The following STOM variants were observed in gnomAD, a reference collection of about 807,000 sequenced individuals.
STOM encodes the protein stomatin, also known as erythrocyte band 7 integral membrane protein.
A neutral mutation model predicts 30.6 loss-of-function variants in STOM; 25 were observed. The ratio of observed to expected loss-of-function variants is 0.82; its 90% confidence interval spans 0.60 to 1.14. The LOEUF (loss-of-function observed/expected upper bound fraction) is 1.14, where lower values mean the gene tolerates loss of function less well. Among genes scored for constraint, STOM ranks in the 50% most tolerant of loss-of-function variants. The pLI is 0.00. For synonymous variants in STOM, 118 were observed against 130.8 expected (o/e 0.90, Z 0.67); for missense variants, 292 against 365.2 (o/e 0.80, Z 1.63).
At chr9:121,368,137 G>T (rs190191744) in intron 1 of STOM, among the ~76,000 whole-genome samples, 235 of 151,990 alleles carry the variant, frequency 1.5e-3, no homozygotes, top group African/African-American at 5.4e-3. Context: ...AAATTTGTTA[G>T]GTTTACATTA....
In STOM at chr9:121,340,896, C is replaced by T. The variant is rs557984349; in HGVS notation, c.*306G>A. 27 of 1,189,806 alleles carry T rather than the reference C, an allele frequency of 2.3e-5. No individual in the cohort carries two copies. In the South Asian group the frequency reaches 5.1e-4, roughly 22 times the overall value. 73.7% of individuals were successfully genotyped at this position (1,189,806 alleles called of 1,614,324 possible). A position where few individuals can be genotyped will look rare whatever the true frequency, so the allele number is the denominator to read the frequency against. ...TTACAGCCCAGGTTCTTGCCTCTGG[C>T]CTGGGTGCTTAGGGGGTTCAGAATG... is the stretch of plus-strand genomic sequence containing the variant. On this transcript the variant is annotated 3_prime_UTR_variant, in exon 7 of 7. Transcript: ENST00000286713.
At position 121,339,506 on chromosome 9, in the gene STOM, G is replaced by C; in HGVS notation, c.*1696C>G. ...CTTCCTAAAATAAGCTTGAAATTGG[G>C]GTACAGGGGAAGGGACATCCATTGG... is the stretch of plus-strand genomic sequence containing the variant. On this transcript the variant is annotated 3_prime_UTR_variant, in exon 7 of 7. Coordinates refer to ENST00000286713, the MANE Select transcript of STOM (RefSeq NM_004099.6). 8.2e-7 allele frequency: 1 copy of C among 1,221,958 alleles called. No individual in the cohort carries two copies. Among genetic ancestry groups the C allele is most frequent in the Non-Finnish European group, 1.0e-6 (1 of 980,780 alleles). The allele number at this position is 1,221,958 out of a possible 1,614,324, so 75.7% of individuals were successfully genotyped here. A position where few individuals can be genotyped will look rare whatever the true frequency, so the allele number is the denominator to read the frequency against.
rs914984439 is a variant in STOM at position 121,366,096 on chromosome 9, A to G, written c.61+4031T>C. 25 of 984,186 alleles carry G rather than the reference A, an allele frequency of 2.5e-5. No homozygotes were observed. In the African/African-American group the frequency reaches 4.4e-4, roughly 17 times the overall value. The allele number at this position is 984,186 out of a possible 1,614,324, so 61.0% of individuals were successfully genotyped here. On this transcript the variant is annotated intron_variant, in intron 1 of 6. Transcript: ENST00000286713. ...TAATTATAAATTCCACTCTCATTTC[A>G]CTATATTCTACTACCTTACCATAGT...
At chr9:121,355,024 C>T (rs1033427922) in intron 2 of STOM, among the ~76,000 whole-genome samples, 1 of 151,898 alleles carries the variant, frequency 6.6e-6, no homozygotes, top group Non-Finnish European at 1.5e-5. Context: ...TTTTGGAAGG[C>T]CGAGGTGGGC....
At chr9:121,360,142 C>T (rs879823719) in intron 1 of STOM, among the ~76,000 whole-genome samples, 1 of 152,154 alleles carries the variant, frequency 6.6e-6, no homozygotes, top group Non-Finnish European at 1.5e-5. Context: ...CAATGTCTAG[C>T]ACAGTATCCT....
intron 1 of STOM, among the ~76,000 whole-genome samples, chr9:121,356,980 C>CAAAAG (rs370722634): frequency 6.6e-5 from 10 of 151,216 alleles, no homozygotes; most frequent in South Asian, 2.1e-4. Flanking sequence ...AAGAATCTGT[C>CAAAAG]AAAAGAAAAG....
At position 121,339,410 on chromosome 9, in the gene STOM, T is replaced by C; in HGVS notation, c.*1792A>G. 1 of 607,852 alleles carries C rather than the reference T, an allele frequency of 1.6e-6. No homozygotes were observed. Among genetic ancestry groups the C allele is most frequent in the Non-Finnish European group, 2.3e-6 (1 of 426,522 alleles). 37.7% of individuals were successfully genotyped at this position (607,852 alleles called of 1,614,324 possible). ...TAAAATTCAAAATGTAAGTGCAACT[T>C]GAGTTTAAGTTGCACTGCTCCATAC... On this transcript the variant is annotated 3_prime_UTR_variant, in exon 7 of 7. Transcript: ENST00000286713.
chr9:121,364,308 T>C (rs1435043756), intron 1 of STOM, among the ~76,000 whole-genome samples: 1 of 152,164 alleles, frequency 6.6e-6, no homozygotes, highest in Non-Finnish European at 1.5e-5. Context: ...CCTTTCAAAT[T>C]AGTATTTTAA....
rs2064228565 is a variant in STOM at position 121,339,616 on chromosome 9, T to G, written c.*1586A>C. The G allele has an allele frequency of 1.6e-6, 2 of 1,231,510 alleles. No individual in the cohort carries two copies. Among genetic ancestry groups the G allele is most frequent in the Non-Finnish European group, 2.0e-6 (2 of 987,934 alleles). 76.3% of individuals were successfully genotyped at this position (1,231,510 alleles called of 1,614,324 possible). Reference sequence around the variant, plus strand: ...GCTGTTATGCTTAGACTTCTCTAGGTGAACTCAGAGTCTCAAAGAGGAAAT... The same window carrying G: ...GCTGTTATGCTTAGACTTCTCTAGGGGAACTCAGAGTCTCAAAGAGGAAAT... On this transcript the variant is annotated 3_prime_UTR_variant, in exon 7 of 7. Coordinates refer to ENST00000286713, the MANE Select transcript of STOM (RefSeq NM_004099.6).
chr9:121,350,476 G>A (rs2064329805), intron 4 of STOM, among the ~76,000 whole-genome samples: 1 of 152,208 alleles, frequency 6.6e-6, no homozygotes, highest in Non-Finnish European at 1.5e-5. Flanking sequence ...CTGGCAGAGT[G>A]CTTGAAACAT....
rs766921201 is a variant in STOM at position 121,354,720 on chromosome 9, T to C, written c.166-47A>G. ...TAATTTAACATGAAGAGTACAAATATATACATGCATGGCTTCTTAAATATA... is the reference window on the plus strand; with the variant it reads ...TAATTTAACATGAAGAGTACAAATACATACATGCATGGCTTCTTAAATATA... On this transcript the variant is annotated intron_variant, in intron 2 of 6. Transcript: ENST00000286713. The C allele has an allele frequency of 2.9e-6, 4 of 1,386,342 alleles. No homozygotes were observed. The African/African-American group carries it at 4.4e-5, about 15-fold the overall frequency. The allele number at this position is 1,386,342 out of a possible 1,614,324, so 85.9% of individuals were successfully genotyped here.
intron 2 of STOM, 146 bp from the exon 3 acceptor site, chr9:121,354,819 C>T: frequency 3.6e-6 from 2 of 558,314 alleles, no homozygotes; most frequent in Non-Finnish European, 6.2e-6. Flanking sequence ...AATCACATGT[C>T]CAATGTTTAC....
intron 1 of STOM, among the ~76,000 whole-genome samples, chr9:121,359,835 A>G (rs773064691): frequency 4.6e-5 from 7 of 152,322 alleles, no homozygotes; most frequent in Non-Finnish European, 8.8e-5. Flanking sequence ...TCAAGACAGT[A>G]TCCAAACTGA....
At chr9:121,346,326 G>A (rs1469346874) in intron 6 of STOM, among the ~76,000 whole-genome samples, 1 of 152,162 alleles carries the variant, frequency 6.6e-6, no homozygotes, top group Non-Finnish European at 1.5e-5. Flanking sequence ...CTAAGCAGTT[G>A]AGGGTTGTTA....
chr9:121,366,823 G>A (rs1474908584), intron 1 of STOM, among the ~76,000 whole-genome samples: 1 of 152,026 alleles, frequency 6.6e-6, no homozygotes, highest in Non-Finnish European at 1.5e-5. Context: ...AGGCTTGGTA[G>A]CTCATGCCTG....
At chr9:121,341,490 C>T in intron 6 of STOM, 82 bp from the exon 7 acceptor site, 2 of 1,571,918 alleles carry the variant, frequency 1.3e-6, no homozygotes, top group Non-Finnish European at 1.7e-6. Context: ...GGTATGTATA[C>T]CTCAGGTGGT....
intron 1 of STOM, among the ~76,000 whole-genome samples, chr9:121,369,179 A>T (rs1211742289): frequency 6.6e-6 from 1 of 152,246 alleles, no homozygotes; most frequent in Non-Finnish European, 1.5e-5. Context: ...GATGCTGTGG[A>T]TAAAGCTGGC....
In STOM at chr9:121,340,907, AG is replaced by A; in HGVS notation, c.*294del. On this transcript the variant is annotated 3_prime_UTR_variant, in exon 7 of 7. Transcript: ENST00000286713. ...GTTCTTGCCTCTGGCCTGGGTGCTT[AG>A]GGGGTTCAGAATGAGTCAGTGGAAG... 10 of 1,216,550 alleles carry A rather than the reference AG, an allele frequency of 8.2e-6. No individual in the cohort carries two copies. The highest frequency in any genetic ancestry group is 1.0e-5 in the Non-Finnish European group (10 of 965,510). 75.4% of individuals were successfully genotyped at this position (1,216,550 alleles called of 1,614,324 possible).
chr9:121,349,504 C>G (rs2134027631), intron 4 of STOM, among the ~76,000 whole-genome samples, 181 bp from the exon 5 acceptor site: 1 of 152,174 alleles, frequency 6.6e-6, no homozygotes, highest in Middle Eastern at 3.4e-3. Context: ...TTAATTCATT[C>G]AATCATACAA....
Sources: gnomAD v4.1 joint callset for allele counts (sites outside exome capture counted in the v4.1 genomes callset) on GRCh38, gnomAD v4.1.1 for gene constraint, MANE v1.5 for transcripts, NCBI Gene and HGNC (gene_info 2026-07-23, HGNC 2026-07-21) for gene names.